Variants in DMRT1 observed in about 807,000 individuals in gnomAD.
DMRT1 encodes the protein doublesex- and mab-3-related transcription factor 1.
A neutral mutation model predicts 32.3 loss-of-function variants in DMRT1; 7 were observed. The observed-to-expected ratio is 0.22, with a 90% CI of 0.12 to 0.41. The LOEUF (loss-of-function observed/expected upper bound fraction) is 0.41, where lower values mean the gene tolerates loss of function less well. Ranked by LOEUF, DMRT1 falls within the 10% of genes least tolerant of loss-of-function variation. The pLI is 1.00. For missense variants in DMRT1, 625 were observed against 500.5 expected, an observed-to-expected ratio of 1.25 and a Z score of -2.37; for synonymous variants, 278 against 206.1, an observed-to-expected ratio of 1.35 and a Z score of -2.99.
chr9:881,229 G>A (rs1816724308), intron 2 of DMRT1, among the ~76,000 whole-genome samples: 1 of 152,186 alleles, frequency 6.6e-6, no homozygotes, highest in African/African-American at 2.4e-5. Flanking sequence ...ATAAGTCACT[G>A]TTCATGACAG....
At chr9:864,485 G>C (rs1240640649) in intron 2 of DMRT1, among the ~76,000 whole-genome samples, 2 of 137,450 alleles carry the variant, frequency 1.5e-5, no homozygotes, top group Admixed American at 1.6e-4. Flanking sequence ...GAGCCACCAT[G>C]CCCAGCCAGT....
chr9:906,779 T>G (rs1330293158), intron 3 of DMRT1, among the ~76,000 whole-genome samples: 1 of 152,196 alleles, frequency 6.6e-6, no homozygotes, highest in Non-Finnish European at 1.5e-5. Flanking sequence ...AAGTAGGTCT[T>G]TATACTAAGC....
intron 4 of DMRT1, among the ~76,000 whole-genome samples, chr9:947,338 C>G (rs975760796): frequency 6.6e-6 from 1 of 152,158 alleles, no homozygotes; most frequent in East Asian, 1.9e-4. Context: ...ATTATTCTTC[C>G]AATGTGGCCC....
At chr9:956,079 T>C (rs1819590953) in intron 4 of DMRT1, among the ~76,000 whole-genome samples, 1 of 152,254 alleles carries the variant, frequency 6.6e-6, no homozygotes, top group African/African-American at 2.4e-5. Context: ...CAATGGAATG[T>C]TATTTCGTCT....
rs1890837 is a variant in DMRT1 at position 965,196 on chromosome 9, C to G, written c.968-2789C>G. Among the ~76,000 whole-genome samples, 1 of 152,044 alleles carries G rather than the reference C, an allele frequency of 6.6e-6. No homozygotes were observed. The highest frequency in any genetic ancestry group is 1.5e-5 in the Non-Finnish European group (1 of 68,016). On this transcript the variant is annotated intron_variant, in intron 4 of 4. Transcript: ENST00000382276. This position sits in a 1 kb window ranked among gnomAD's most constrained non-coding sequence, Gnocchi z 4.5. ...AAACACACTAAATCTTTTCACGTAC[C>G]TAGAACTCTATGAGGGGCTATACTT...
chr9:916,888 C>T lies in DMRT1; in HGVS notation c.948C>T (p.Tyr316=), dbSNP rs1435631601. The T allele has an allele frequency of 6.2e-7, 1 of 1,614,160 alleles. No homozygotes were observed. The highest frequency in any genetic ancestry group is 2.2e-5 in the East Asian group (1 of 44,876). ...QFFTFEDAPS[Y]PEARASVFSP... ...TCACTTTTGAGGATGCTCCCTCTTA[C>T]CCGGAAGCCAGGGCGAGCGGTAGGT... The change falls in exon 4 of 5, where the codon TAC becomes TAT. Residue 316 remains tyrosine, a synonymous_variant. Coordinates refer to ENST00000382276, the MANE Select transcript of DMRT1 (RefSeq NM_021951.3).
chr9:865,607 A>G lies in DMRT1; in HGVS notation c.538+18464A>G, dbSNP rs892991692. Among the ~76,000 whole-genome samples, 44 of 152,316 alleles carry G rather than the reference A, an allele frequency of 2.9e-4. 1 individual carries two copies. Among genetic ancestry groups the G allele is most frequent in the African/African-American group, 1.1e-3 (44 of 41,576 alleles). On this transcript the variant is annotated intron_variant, in intron 2 of 4. Transcript: ENST00000382276. ...GATATGATTTATCCTGTAGCAATAA[A>G]CAAGTTTTTGCAAAAATGAAGCTAC...
At chr9:945,781 A>T (rs112731480) in intron 4 of DMRT1, among the ~76,000 whole-genome samples, 2,229 of 148,144 alleles carry the variant, frequency 0.015, 56 homozygotes, top group African/African-American at 0.052. Context: ...GGCGTAATAC[A>T]GTGTTATGGC....
intron 4 of DMRT1, among the ~76,000 whole-genome samples, chr9:949,676 T>G (rs547719847): frequency 1.3e-5 from 2 of 152,348 alleles, no homozygotes; most frequent in South Asian, 2.1e-4. Flanking sequence ...CTAGGACTTA[T>G]CTTGTGTAAC....
intron 2 of DMRT1, among the ~76,000 whole-genome samples, chr9:862,238 G>A (rs552483059): frequency 1.5e-4 from 23 of 152,178 alleles, no homozygotes; most frequent in Admixed American, 1.3e-3. Context: ...GCGAGACTCC[G>A]TCTGCACTCC....
intron 1 of DMRT1, among the ~76,000 whole-genome samples, chr9:846,644 G>A (rs1242822487): frequency 6.6e-6 from 1 of 152,130 alleles, no homozygotes; most frequent in Non-Finnish European, 1.5e-5. Flanking sequence ...GCAGTGGTGC[G>A]ATTATAGCCC....
rs1231475477 is a variant in DMRT1 at position 968,699 on chromosome 9, C to CTG, written c.*561_*562dup. ...CCCATCCTCCCAATCCAAAACGTAACTGAAATATAATCAGAAACATTAAAG... is the reference window on the plus strand; with the variant it reads ...CCCATCCTCCCAATCCAAAACGTAACTGTGAAATATAATCAGAAACATTAAAG... On this transcript the variant is annotated 3_prime_UTR_variant, in exon 5 of 5. Coordinates refer to ENST00000382276, the MANE Select transcript of DMRT1 (RefSeq NM_021951.3). The CTG allele has an allele frequency of 6.5e-6, 1 of 152,864 alleles. No homozygotes were observed. Among genetic ancestry groups the CTG allele is most frequent in the Non-Finnish European group, 1.5e-5 (1 of 68,630 alleles). 9.5% of individuals were successfully genotyped at this position (152,864 alleles called of 1,614,324 possible). A position where few individuals can be genotyped will look rare whatever the true frequency, so the allele number is the denominator to read the frequency against.
intron 2 of DMRT1, among the ~76,000 whole-genome samples, chr9:869,971 A>G (rs2132603920): frequency 6.6e-6 from 1 of 152,312 alleles, no homozygotes; most frequent in Middle Eastern, 3.4e-3. Context: ...GTAATGTTGT[A>G]AAAATACGGC....
intron 4 of DMRT1, among the ~76,000 whole-genome samples, chr9:932,619 A>C (rs937389691): frequency 2.6e-5 from 4 of 152,260 alleles, no homozygotes; most frequent in South Asian, 2.1e-4. Flanking sequence ...TAACTTTCTG[A>C]AGTTGGCCCA....
chr9:959,400 T>C (rs1286059987), intron 4 of DMRT1, among the ~76,000 whole-genome samples: 1 of 152,256 alleles, frequency 6.6e-6, no homozygotes, highest in African/African-American at 2.4e-5. Flanking sequence ...TGTTTGATGC[T>C]GCTTTTCCCT....
intron 4 of DMRT1, among the ~76,000 whole-genome samples, chr9:945,149 T>G (rs890600580): frequency 2.0e-5 from 3 of 152,094 alleles, no homozygotes; most frequent in African/African-American, 7.2e-5. Flanking sequence ...GTTTTTGTCT[T>G]TCTTTCTTTC....
intron 3 of DMRT1, among the ~76,000 whole-genome samples, chr9:896,604 G>C (rs932335807): frequency 2.6e-5 from 4 of 152,094 alleles, no homozygotes; most frequent in African/African-American, 9.7e-5. Flanking sequence ...CACGAGGTCA[G>C]GAGTTCAAGA....
At chr9:897,633 A>G (rs1033939051) in intron 3 of DMRT1, among the ~76,000 whole-genome samples, 20 of 151,886 alleles carry the variant, frequency 1.3e-4, no homozygotes, top group Admixed American at 5.2e-4. Flanking sequence ...GCATTCTACT[A>G]TCTTCTCCCT....
Position 842,248 on chromosome 9 carries a change from T to C in DMRT1, c.354+56T>C. The C allele has an allele frequency of 2.7e-6, 4 of 1,505,324 alleles. No individual in the cohort carries two copies. In the South Asian group the frequency reaches 5.0e-5, roughly 19 times the overall value. 93.2% of individuals were successfully genotyped at this position (1,505,324 alleles called of 1,614,324 possible). A position where few individuals can be genotyped will look rare whatever the true frequency, so the allele number is the denominator to read the frequency against. On this transcript the variant is annotated intron_variant, in intron 1 of 4. Transcript: ENST00000382276. ...AGCCTTAGTTTTTTTTTTTTTTTTT[T>C]TTTTTAGATGGAGTCTCGCTCGGTT... is the stretch of plus-strand genomic sequence containing the variant.
Sources: gnomAD v4.1 joint callset for allele counts (sites outside exome capture counted in the v4.1 genomes callset) on GRCh38, gnomAD v4.1.1 for gene constraint, Gnocchi (gnomAD v3.1) non-coding constraint, MANE v1.5 for transcripts, NCBI Gene and HGNC (gene_info 2026-07-23, HGNC 2026-07-21) for gene names.